Variants in DGKB observed in about 807,000 individuals in gnomAD.
DGKB encodes 90 kDa diacylglycerol kinase.
Under a neutral mutation model 114.3 loss-of-function variants are expected in DGKB, and 67 were observed. The ratio of observed to expected loss-of-function variants is 0.59; its 90% CI spans 0.48 to 0.72. The LOEUF is 0.72. Ranked by LOEUF, DGKB falls within the 30% of genes least tolerant of loss-of-function variation. The pLI is 0.00. For synonymous variants in DGKB, 398 were observed against 323.1 expected (o/e 1.23, Z -2.49); for missense variants, 907 against 975.2 (o/e 0.93, Z 0.93).
chr7:14,802,380 T>C (rs1049481359), intron 2 of DGKB, among the ~76,000 whole-genome samples: 3 of 152,130 alleles, frequency 2.0e-5, no homozygotes, highest in Admixed American at 6.6e-5. Context: ...GTGAGTGTTA[T>C]AGCATTTAAA....
chr7:14,552,730 C>T (rs981349214), intron 20 of DGKB, among the ~76,000 whole-genome samples: 1 of 152,230 alleles, frequency 6.6e-6, no homozygotes, highest in African/African-American at 2.4e-5. Flanking sequence ...GTTTTCCTTT[C>T]TCTCCACTAG....
At chr7:14,695,492 C>CTGTTTTTT (rs1452686512) in intron 8 of DGKB, among the ~76,000 whole-genome samples, 1 of 73,362 alleles carries the variant, frequency 1.4e-5, no homozygotes, top group Non-Finnish European at 2.6e-5. Context: ...CTCTCTCTCT[C>CTGTTTTTT]TCTTTTTTTT....
At chr7:14,822,109 G>T (rs1268461187) in intron 2 of DGKB, among the ~76,000 whole-genome samples, 1 of 152,128 alleles carries the variant, frequency 6.6e-6, no homozygotes, top group African/African-American at 2.4e-5. Context: ...GGGCAGAAAG[G>T]GATTAAATAA....
chr7:14,855,776 T>C (rs1850058105), intron 1 of DGKB, among the ~76,000 whole-genome samples: 1 of 152,164 alleles, frequency 6.6e-6, no homozygotes, highest in African/African-American at 2.4e-5. Context: ...TGATGTGGAT[T>C]AGATAGGACT....
At chr7:14,216,287 G>C (rs889547997) in intron 23 of DGKB, among the ~76,000 whole-genome samples, 2 of 152,070 alleles carry the variant, frequency 1.3e-5, no homozygotes, top group Non-Finnish European at 2.9e-5. Flanking sequence ...GTAAATATCA[G>C]TAACTATTAC....
chr7:14,437,365 C>T (rs184724351), intron 21 of DGKB, among the ~76,000 whole-genome samples: 34 of 152,038 alleles, frequency 2.2e-4, no homozygotes, highest in Non-Finnish European at 3.2e-4. Flanking sequence ...TAAAACTATC[C>T]GTGCTTTTGT....
At chr7:14,820,476 A>G (rs1332199218) in intron 2 of DGKB, among the ~76,000 whole-genome samples, 2 of 152,184 alleles carry the variant, frequency 1.3e-5, no homozygotes, top group South Asian at 2.1e-4. Context: ...TGCATGCAAC[A>G]ATTTTCTTGG....
intron 20 of DGKB, among the ~76,000 whole-genome samples, chr7:14,519,135 A>G (rs1243401394): frequency 1.3e-5 from 2 of 152,136 alleles, no homozygotes; most frequent in Non-Finnish European, 2.9e-5. Flanking sequence ...TTGAAAATAC[A>G]CAATTCAATA....
At chr7:14,773,959 G>C (rs530621271) in intron 2 of DGKB, among the ~76,000 whole-genome samples, 1 of 152,226 alleles carries the variant, frequency 6.6e-6, no homozygotes, top group Admixed American at 6.5e-5. Context: ...ATTTTCCTGA[G>C]GGTGTGGCTT....
intron 20 of DGKB, among the ~76,000 whole-genome samples, chr7:14,525,632 G>C (rs1407926680): frequency 6.6e-6 from 1 of 152,048 alleles, no homozygotes; most frequent in East Asian, 1.9e-4. Flanking sequence ...GTTGACAGTA[G>C]TCAAGATATG....
intron 1 of DGKB, among the ~76,000 whole-genome samples, chr7:14,913,933 C>T (rs748423794): frequency 7.9e-5 from 12 of 152,080 alleles, no homozygotes; most frequent in South Asian, 2.1e-4. Context: ...GAATCACAGC[C>T]GAGATCAGCT....
intron 1 of DGKB, among the ~76,000 whole-genome samples, chr7:14,973,829 A>G (rs909364762): frequency 8.1e-5 from 12 of 148,268 alleles, no homozygotes; most frequent in Non-Finnish European, 1.6e-4. Context: ...TATAAATTAC[A>G]TATAAAAATA....
At chr7:14,721,525 G>A (rs920303445) in intron 5 of DGKB, among the ~76,000 whole-genome samples, 3 of 151,886 alleles carry the variant, frequency 2.0e-5, no homozygotes, top group South Asian at 2.1e-4. Flanking sequence ...CATGGAATAC[G>A]GTTAAATGAA....
rs192713212 is a variant in DGKB, at chr7:14,914,696, A to G, written c.-188+60000T>C. Among the ~76,000 whole-genome samples the G allele has an allele frequency of 2.9e-3, 442 of 152,314 alleles. 1 individual carries two copies. The highest frequency in any genetic ancestry group is 0.01 in the African/African-American group (423 of 41,578). ...ACTCAGATATGACACAGATTTTTAA[A>G]ATTATTAAATAGGGAATTTAAAATA... On this transcript the variant is annotated intron_variant, in intron 1 of 4. Coordinates refer to the DGKB transcript ENST00000437998.
Position 14,176,571 on chromosome 7 carries a change from T to C in DGKB, c.2304+268A>G, listed in dbSNP as rs1781768331. The C allele has an allele frequency of 3.5e-6, 4 of 1,128,024 alleles. No individual in the cohort carries two copies. In the African/African-American group the frequency reaches 4.8e-5, roughly 14 times the overall value. The allele number at this position is 1,128,024 out of a possible 1,614,324, so 69.9% of individuals were successfully genotyped here. A position where few individuals can be genotyped will look rare whatever the true frequency, so the allele number is the denominator to read the frequency against. ...TTTTGTTTAGCTCCATAGTTTATAA[T>C]TGATCTATGGTTTATAATTGATCTA... On this transcript the variant is annotated intron_variant, in intron 25 of 25. Transcript: ENST00000402815.
intron 23 of DGKB, among the ~76,000 whole-genome samples, chr7:14,235,385 G>A (rs745980066): frequency 2.0e-5 from 3 of 151,958 alleles, no homozygotes; most frequent in Non-Finnish European, 4.4e-5. Context: ...CATCTGTTTT[G>A]CTTGGAACAG....
intron 23 of DGKB, among the ~76,000 whole-genome samples, chr7:14,311,913 CA>C (rs2128507239): frequency 6.6e-6 from 1 of 152,196 alleles, no homozygotes; most frequent in African/African-American, 2.4e-5. Context: ...ACTAGTCTAG[CA>C]ACTATAAAAA....
intron 21 of DGKB, among the ~76,000 whole-genome samples, chr7:14,462,667 C>A (rs1766682351): frequency 6.6e-6 from 1 of 152,098 alleles, no homozygotes; most frequent in Non-Finnish European, 1.5e-5. Context: ...CCATACTGCC[C>A]AAAGTAATTT....
rs537973280 is a variant in DGKB, at chr7:14,352,911, G to A, written c.1836-7520C>T. Reference sequence around the variant, plus strand: ...GCACTTCAGCCTGGGCAACAAGAGCGAAACTCTGTCTCAAAAACAAACAAA... The same window carrying A: ...GCACTTCAGCCTGGGCAACAAGAGCAAAACTCTGTCTCAAAAACAAACAAA... On this transcript the variant is annotated intron_variant, in intron 21 of 25. Transcript: ENST00000402815. Among the ~76,000 whole-genome samples the A allele has an allele frequency of 7.9e-5, 12 of 151,820 alleles. 1 individual carries two copies. In the South Asian group the frequency reaches 2.3e-3, roughly 29 times the overall value.
Sources: allele counts gnomAD v4.1 joint callset (sites outside exome capture counted in the v4.1 genomes callset), GRCh38; gene constraint gnomAD v4.1.1; transcripts MANE v1.5; gene names NCBI Gene and HGNC (gene_info 2026-07-23, HGNC 2026-07-21).